ILDR2: variants seen among roughly 807,000 people sequenced by gnomAD.
The protein encoded by ILDR2 is immunoglobulin-like domain-containing receptor 2.
A neutral mutation model predicts 66.8 loss-of-function variants in ILDR2; 25 were observed. That is an observed-to-expected ratio of 0.37 (90% CI 0.27 to 0.52). The LOEUF is 0.52. ILDR2 is among the 20% of genes least tolerant of loss of function. ILDR2 has a pLI of 0.88. For missense variants in ILDR2, 827 were observed against 876.8 expected (o/e 0.94, Z 0.72); for synonymous variants, 367 against 357.2 (o/e 1.03, Z -0.31).
chr1:166,899,667 T>C (rs886105112), intron 2 of ILDR2, among the ~76,000 whole-genome samples: 1 of 152,262 alleles, frequency 6.6e-6, no homozygotes, highest in African/African-American at 2.4e-5. Flanking sequence ...TCATGTTTTA[T>C]GGCTCAGTTG....
In ILDR2 at chr1:166,920,903, G is replaced by A; in HGVS notation, c.1688C>T (p.Ala563Val). The change falls in exon 9 of 10, where the codon GCC becomes GTC. Residue 563 changes from alanine (A) to valine (V), a missense_variant. Ala to Val is a moderately conservative substitution (Grantham distance 64). This residue lies in a region of ILDR2 where 390 missense variants were observed against 353.6 expected (regional missense o/e 1.10). Transcript: ENST00000271417. The part of the protein sequence containing the change: ...KRSAQLGPRS[A>V]SYYAWSPPGT... Reference sequence around the variant, plus strand: ...GGGCGGCGACCAAGCGTAGTAGGAGGCGCTGCGCGGGCCGAGCTGCGCGCT... The same window carrying A: ...GGGCGGCGACCAAGCGTAGTAGGAGACGCTGCGCGGGCCGAGCTGCGCGCT... The A allele has an allele frequency of 6.8e-6, 10 of 1,478,470 alleles. No individual in the cohort carries two copies. Among genetic ancestry groups the A allele is most frequent in the Non-Finnish European group, 8.9e-6 (10 of 1,120,288 alleles). 91.6% of individuals were successfully genotyped at this position (1,478,470 alleles called of 1,614,324 possible). A position where few individuals can be genotyped will look rare whatever the true frequency, so the allele number is the denominator to read the frequency against.
At chr1:166,965,342 C>T (rs1410899436) in intron 1 of ILDR2, among the ~76,000 whole-genome samples, 2 of 151,802 alleles carry the variant, frequency 1.3e-5, no homozygotes, top group Non-Finnish European at 2.9e-5. Flanking sequence ...ATACACATAG[C>T]CTGAGGGTAA....
rs1232103734 is a variant in ILDR2, at chr1:166,914,238, G to A, written c.*5117C>T. 6.6e-6 allele frequency: 1 copy of A among 152,208 alleles called. No homozygotes were observed. The highest frequency in any genetic ancestry group is 1.5e-5 in the Non-Finnish European group (1 of 68,050). The allele number at this position is 152,208 out of a possible 1,614,324, so 9.4% of individuals were successfully genotyped here. On this transcript the variant is annotated 3_prime_UTR_variant, in exon 10 of 10. Transcript: ENST00000271417. ...GTTGGATGAAGCAGCAACAGTATCT[G>A]TCTTCATGGCTTCGCCACATCCATG...
chr1:166,923,769 C>T (rs1660104059), intron 7 of ILDR2, among the ~76,000 whole-genome samples: 1 of 152,178 alleles, frequency 6.6e-6, no homozygotes, highest in Admixed American at 6.5e-5. Context: ...TAAACAAAAA[C>T]TCAACTATTT....
In ILDR2 at chr1:166,909,770, A is replaced by AATATATATAAATATATAT. The variant is rs1491310704; in HGVS notation, c.*9584_*9585insATATATATTTATATATAT. 5 of 66,238 alleles carry AATATATATAAATATATAT rather than the reference A, an allele frequency of 7.5e-5. No homozygotes were observed. The highest frequency in any genetic ancestry group is 1.0e-4 in the Non-Finnish European group (4 of 38,180). 4.1% of individuals were successfully genotyped at this position (66,238 alleles called of 1,614,324 possible). A position where few individuals can be genotyped will look rare whatever the true frequency, so the allele number is the denominator to read the frequency against. ...ATATATATATATATAAATATATATA[A>AATATATATAAATATATAT]ATATATATATTTATATATATATATA... On this transcript the variant is annotated 3_prime_UTR_variant, in exon 10 of 10. Transcript: ENST00000271417.
In ILDR2 at chr1:166,935,318, G is replaced by A. The variant is rs1222405778; in HGVS notation, c.863C>T (p.Thr288Ile). Residue 288 changes from threonine to isoleucine, a missense_variant, in exon 6 of 10, where the codon ACT (threonine) becomes ATT (isoleucine). By Grantham distance (89) the Thr-to-Ile change is moderately conservative (BLOSUM62 -1). Transcript: ENST00000271417. ...HPPPLAPSDS[T>I]GGSHSVRKGY... The stretch of plus-strand genomic sequence containing the variant: ...ACATTTACCACTGTGGCTTCCTCCA[G>A]TGGAGTCACTTGGTGCCAAGGGAGG... 3 of 1,614,012 alleles carry A rather than the reference G, an allele frequency of 1.9e-6. No individual in the cohort carries two copies. Among genetic ancestry groups the A allele is most frequent in the East Asian group, 2.2e-5 (1 of 44,876 alleles).
chr1:166,929,993 C>T, intron 6 of ILDR2, among the ~76,000 whole-genome samples: 1 of 152,038 alleles, frequency 6.6e-6, no homozygotes, highest in Non-Finnish European at 1.5e-5. Context: ...ATTTCTGAAG[C>T]ACTGTTATGG....
intron 1 of ILDR2, among the ~76,000 whole-genome samples, chr1:166,966,145 A>C (rs1024817031): frequency 2.0e-5 from 3 of 152,202 alleles, no homozygotes; most frequent in Non-Finnish European, 2.9e-5. Flanking sequence ...AAACCTAAAA[A>C]ACTAAAATAA....
intron 4 of ILDR2, among the ~76,000 whole-genome samples, chr1:166,937,985 A>G (rs557851890): frequency 1.1e-4 from 16 of 152,338 alleles, no homozygotes; most frequent in African/African-American, 3.8e-4. Flanking sequence ...GACTTTGTTT[A>G]GATCATAATT....
At chr1:166,943,587 C>A (rs1266228550) in intron 3 of ILDR2, among the ~76,000 whole-genome samples, 2 of 150,558 alleles carry the variant, frequency 1.3e-5, no homozygotes, top group Non-Finnish European at 2.9e-5. Flanking sequence ...TGGATTTATG[C>A]TGAATATTTA....
chr1:166,938,671 AG>A (rs1243714304), intron 4 of ILDR2, among the ~76,000 whole-genome samples: 11 of 152,368 alleles, frequency 7.2e-5, no homozygotes, highest in African/African-American at 2.6e-4. Flanking sequence ...ATTTGGATTA[AG>A]CTAAAAACCA....
intron 3 of ILDR2, among the ~76,000 whole-genome samples, chr1:166,951,932 A>G (rs1416322579): frequency 6.6e-6 from 1 of 152,090 alleles, no homozygotes; most frequent in African/African-American, 2.4e-5. Context: ...CTCTTATTCT[A>G]TTCTTGGCCC....
intron 1 of ILDR2, among the ~76,000 whole-genome samples, chr1:166,958,455 T>C (rs532541579): frequency 6.6e-6 from 1 of 152,228 alleles, no homozygotes; most frequent in East Asian, 1.9e-4. Context: ...TTCACTCTCT[T>C]TCTCTCCTGC....
At chr1:166,951,517 C>T (rs1024981783) in intron 3 of ILDR2, among the ~76,000 whole-genome samples, 2 of 152,192 alleles carry the variant, frequency 1.3e-5, no homozygotes, top group African/African-American at 4.8e-5. Flanking sequence ...TAAAAGAGTT[C>T]TGAAAAATAC....
At chr1:166,971,227 A>T (rs1322176653) in intron 1 of ILDR2, among the ~76,000 whole-genome samples, 1 of 152,184 alleles carries the variant, frequency 6.6e-6, no homozygotes. Context: ...AAGGACTATG[A>T]CTTATTCATC....
rs1659497521 is a variant in ILDR2 at position 166,912,765 on chromosome 1, C to T, written c.*6590G>A. On this transcript the variant is annotated 3_prime_UTR_variant, in exon 10 of 10. Transcript: ENST00000271417. ...TGCTAACAAAGGTTTTTAATTGCCT[C>T]CTCTTAATTATGGTGCTGTGGAATT... The T allele has an allele frequency of 6.6e-6, 1 of 152,188 alleles. No homozygotes were observed. Among genetic ancestry groups the T allele is most frequent in the South Asian group, 2.1e-4 (1 of 4,820 alleles). The allele number at this position is 152,188 out of a possible 1,614,324, so 9.4% of individuals were successfully genotyped here. A position where few individuals can be genotyped will look rare whatever the true frequency, so the allele number is the denominator to read the frequency against.
At chr1:166,922,900 T>C in intron 7 of ILDR2, 91 bp from the exon 8 acceptor site, 7 of 1,080,342 alleles carry the variant, frequency 6.5e-6, no homozygotes, top group South Asian at 5.3e-5. Flanking sequence ...GACCCTAGGC[T>C]CCAGGAAACT....
At chr1:166,932,557 C>T (rs1347750478) in intron 6 of ILDR2, among the ~76,000 whole-genome samples, 3 of 152,112 alleles carry the variant, frequency 2.0e-5, no homozygotes, top group Non-Finnish European at 4.4e-5. Flanking sequence ...GTGTTCAACA[C>T]AGAGAGAGCC....
chr1:166,967,290 C>T (rs1663013432), intron 1 of ILDR2, among the ~76,000 whole-genome samples: 1 of 152,138 alleles, frequency 6.6e-6, no homozygotes, highest in Non-Finnish European at 1.5e-5. Flanking sequence ...CTTATCCCCA[C>T]AGATTTGGAC....
Sources: gnomAD v4.1 joint callset for allele counts (sites outside exome capture counted in the v4.1 genomes callset) on GRCh38, gnomAD v4.1.1 for gene constraint, gnomAD v4.1.1 regional missense constraint, MANE v1.5 for transcripts, NCBI Gene and HGNC (gene_info 2026-07-23, HGNC 2026-07-21) for gene names.